Variants in ALPG observed in about 807,000 individuals in gnomAD.
The protein encoded by ALPG is alkaline phosphatase, germ cell.
Under a neutral mutation model 48.6 loss-of-function variants are expected in ALPG, and 32 were observed. That is an observed-to-expected ratio of 0.66 (90% confidence interval 0.50 to 0.88). The LOEUF is 0.88. Among genes scored for constraint, ALPG ranks in the 40% least tolerant of loss-of-function variants. ALPG has a pLI of 0.00. For synonymous variants in ALPG, 244 were observed against 308.9 expected (o/e 0.79, Z 2.20); for missense variants, 533 against 718.1 (o/e 0.74, Z 2.95).
In ALPG at chr2:232,407,696, G is replaced by C. The variant is rs201503000; in HGVS notation, c.403G>C (p.Ala135Pro). 4 of 1,613,716 alleles carry C rather than the reference G, an allele frequency of 2.5e-6. No homozygotes were observed. The highest frequency in any genetic ancestry group is 3.4e-6 in the Non-Finnish European group (4 of 1,179,976). ...CCAGACCATTGGCTTGAGTGCAGCCGCCCGCTTTAACCAGTGCAACACGAC... is the reference window on the plus strand; with the variant it reads ...CCAGACCATTGGCTTGAGTGCAGCCCCCCGCTTTAACCAGTGCAACACGAC... ...NFQTIGLSAAARFNQCNTTRG... is the reference protein window; with the variant it reads ...NFQTIGLSAAPRFNQCNTTRG... Residue 135 changes from alanine to proline, a missense_variant, in exon 4 of 11, where the codon GCC becomes CCC. By Grantham distance (27) the Ala-to-Pro change is conservative (BLOSUM62 -1). Around this residue, in one of 6 missense-constraint regions of ALPG, gnomAD observed 315 missense variants for 305.8 expected, o/e 1.03. Coordinates refer to ENST00000295453, the MANE Select transcript of ALPG (RefSeq NM_031313.3).
Position 232,406,898 on chromosome 2 carries a change from C to A in ALPG, c.4C>A (p.Gln2Lys). The A allele has an allele frequency of 6.2e-7, 1 of 1,611,762 alleles. No individual in the cohort carries two copies. Among genetic ancestry groups the A allele is most frequent in the Non-Finnish European group, 8.5e-7 (1 of 1,179,348 alleles). Reference protein sequence around the residue: MQGPWVLLLLGL... With the variant: MKGPWVLLLLGL... ...CGCTCTCCGACTGCTTCCAGACATG[C>A]AGGGGCCCTGGGTGCTGCTCCTGCT... Residue 2 changes from glutamine to lysine, a missense_variant, in exon 1 of 11, where the codon CAG becomes AAG. Gln to Lys is a moderately conservative substitution (Grantham distance 53). Around this residue, in one of 6 missense-constraint regions of ALPG, gnomAD observed 315 missense variants for 305.8 expected, o/e 1.03. Coordinates refer to ENST00000295453, the MANE Select transcript of ALPG (RefSeq NM_031313.3).
At chr2:232,408,157 G>A (rs1420928697) in intron 5 of ALPG, 110 bp from the exon 6 acceptor site, 40 of 1,576,838 alleles carry the variant, frequency 2.5e-5, no homozygotes, top group Non-Finnish European at 8.6e-7. Context: ...GCGCAGCCCA[G>A]GCTGGGCCAT....
Position 232,407,304 on chromosome 2 carries a change from T to G in ALPG, c.203T>G (p.Val68Gly). 1 of 1,613,774 alleles carries G rather than the reference T, an allele frequency of 6.2e-7. No individual in the cohort carries two copies. Among genetic ancestry groups the G allele is most frequent in the Non-Finnish European group, 8.5e-7 (1 of 1,179,958 alleles). Reference protein sequence around the residue: ...FLGDGMGVSTVTAARILKGQK... With the variant: ...FLGDGMGVSTGTAARILKGQK... ...CCTTCAGGGATGGGGGTGTCTACGG[T>G]GACAGCTGCCAGGATCCTAAAAGGG... is the stretch of plus-strand genomic sequence containing the variant. The change falls in exon 3 of 11, where the codon GTG becomes GGG. Residue 68 changes from valine to glycine, a missense_variant. By Grantham distance (109) the Val-to-Gly change is moderately radical. This residue lies in a region of ALPG where 315 missense variants were observed against 305.8 expected (regional missense o/e 1.03). Coordinates refer to ENST00000295453, the MANE Select transcript of ALPG (RefSeq NM_031313.3).
chr2:232,409,838 C>T lies in ALPG; in HGVS notation c.1565C>T (p.Thr522Ile), dbSNP rs770596019. The change falls in exon 11 of 11, where the codon ACC becomes ATC. Residue 522 changes from threonine to isoleucine, a missense_variant. This residue lies in a region of ALPG where 145 missense variants were observed against 174.3 expected (regional missense o/e 0.83). Transcript: ENST00000295453. ...VPALLPLLAG[T>I]LLLLGTATAP ...GCGTTGCTTCCTCTGCTGGCAGGGACCTTGCTGCTGCTGGGGACGGCCACT... is the reference window on the plus strand; with the variant it reads ...GCGTTGCTTCCTCTGCTGGCAGGGATCTTGCTGCTGCTGGGGACGGCCACT... The T allele has an allele frequency of 1.9e-6, 3 of 1,586,530 alleles. No homozygotes were observed. The highest frequency in any genetic ancestry group is 1.1e-5 in the South Asian group (1 of 87,974).
Position 232,408,574 on chromosome 2 carries a change from G to T in ALPG, c.856+1G>T. The T allele has an allele frequency of 1.3e-6, 2 of 1,555,792 alleles. No individual in the cohort carries two copies. Among genetic ancestry groups the T allele is most frequent in the Non-Finnish European group, 1.8e-6 (2 of 1,136,208 alleles). ...GACCCGTCTGTGACCCATCTCATGG[G>T]TAATGACCCCCTTCCTGCCCTGGCA... On this transcript the variant is annotated splice_donor_variant, in intron 7 of 10. Coordinates refer to ENST00000295453, the MANE Select transcript of ALPG (RefSeq NM_031313.3). LOFTEE classifies it high-confidence loss of function.
In ALPG at chr2:232,408,009, G is replaced by T. The variant is rs756844703; in HGVS notation, c.640G>T (p.Asp214Tyr). The T allele has an allele frequency of 1.2e-6, 2 of 1,610,930 alleles. No individual in the cohort carries two copies. Among genetic ancestry groups the T allele is most frequent in the African/African-American group, 1.3e-5 (1 of 74,888 alleles). Residue 214 changes from aspartate to tyrosine, a missense_variant, in exon 5 of 11, where the codon GAC (aspartate) becomes TAC (tyrosine). By Grantham distance (160) the Asp-to-Tyr change is radical (BLOSUM62 -3). Transcript: ENST00000295453. ...DIATQLISNM[D>Y]IDVILGGGRK... is the part of the protein sequence containing the mutation. Reference sequence around the variant, plus strand: ...CGCCACGCAGCTCATCTCCAACATGGACATTGATGTGCGACCCCCGGGCCA... The same window carrying T: ...CGCCACGCAGCTCATCTCCAACATGTACATTGATGTGCGACCCCCGGGCCA...
rs374249849 is a variant in ALPG, at chr2:232,407,933, C to A, written c.564C>A (p.Tyr188Ter). Residue 188 changes from tyrosine to a stop codon, truncating the protein, a stop_gained, in exon 5 of 11, where the codon TAC becomes TAA. Coordinates refer to ENST00000295453, the MANE Select transcript of ALPG (RefSeq NM_031313.3). LOFTEE classifies it high-confidence loss of function. The part of the protein sequence containing the change: ...AYAHTVNRNW[Y>*]SDADVPASAR... ...CCCACACGGTGAACCGCAACTGGTA[C>A]TCGGATGCCGACGTGCCTGCCTCGG... The A allele has an allele frequency of 8.1e-6, 13 of 1,613,346 alleles. No homozygotes were observed. The highest frequency in any genetic ancestry group is 6.7e-5 in the East Asian group (3 of 44,894).
rs1361546972 is a variant in ALPG at position 232,408,361 on chromosome 2, A to C, written c.743A>C (p.Asp248Ala). The change falls in exon 6 of 11, where the codon GAC (aspartate) becomes GCC (alanine). Residue 248 changes from aspartate to alanine, a missense_variant. Physicochemically the swap from Asp to Ala is moderately radical, Grantham distance 126 (BLOSUM62 -2). Coordinates refer to ENST00000295453, the MANE Select transcript of ALPG (RefSeq NM_031313.3). Reference sequence around the variant, plus strand: ...TACAGCCAAGGTGGGACCAGGCTGGACGGGAAGAATCTGGTGCAGGAATGG... The same window carrying C: ...TACAGCCAAGGTGGGACCAGGCTGGCCGGGAAGAATCTGGTGCAGGAATGG... ...DDYSQGGTRL[D>A]GKNLVQEWLA... 1 of 1,610,134 alleles carries C rather than the reference A, an allele frequency of 6.2e-7. No homozygotes were observed.
At chr2:232,408,175 G>A (rs1697125079) in intron 5 of ALPG, 92 bp from the exon 6 acceptor site, 10 of 1,588,062 alleles carry the variant, frequency 6.3e-6, no homozygotes, top group Non-Finnish European at 8.6e-6. Flanking sequence ...CATTCCCACA[G>A]CCTTGGGGAG....
chr2:232,407,807 A>G (rs747502584), intron 4 of ALPG, 38 bp from the exon 5 acceptor site: 1 of 1,613,722 alleles, frequency 6.2e-7, no homozygotes, highest in Non-Finnish European at 8.5e-7. Context: ...GCCAGGTGAC[A>G]GACCTCTATC....
chr2:232,409,580 C>T lies in ALPG; in HGVS notation c.1307C>T (p.Pro436Leu). 6.2e-7 allele frequency: 1 copy of T among 1,612,782 alleles called. No homozygotes were observed. Among genetic ancestry groups the T allele is most frequent in the Non-Finnish European group, 8.5e-7 (1 of 1,179,584 alleles). ...PDVTESESGSPEYRQQSAVPL... is the reference protein window; with the variant it reads ...PDVTESESGSLEYRQQSAVPL... ...AACTGAACCCTCCAACCAGGGAGCC[C>T]CGAGTATCGGCAGCAGTCAGCAGTG... Residue 436 changes from proline (P) to leucine (L), a missense_variant, in exon 11 of 11, where the codon CCC (proline) becomes CTC (leucine). This residue lies in a region of ALPG where 145 missense variants were observed against 174.3 expected (regional missense o/e 0.83). Transcript: ENST00000295453.
In ALPG at chr2:232,407,786, G is replaced by C. The variant is rs1470320423; in HGVS notation, c.475+18G>C. 6.2e-7 allele frequency: 1 copy of C among 1,613,802 alleles called. No individual in the cohort carries two copies. Among genetic ancestry groups the C allele is most frequent in the Non-Finnish European group, 8.5e-7 (1 of 1,180,026 alleles). On this transcript the variant is annotated intron_variant, in intron 4 of 10. Transcript: ENST00000295453. ...GAAAGCAGGTGAGCTGGGGCCCGCT[G>C]TGGGGTCAGGGCCAGGTGACAGACC...
intron 2 of ALPG, 47 bp downstream of exon 2, chr2:232,407,220 G>A (rs772314262): frequency 2.9e-5 from 46 of 1,613,866 alleles, no homozygotes; most frequent in Non-Finnish European, 3.5e-5. Flanking sequence ...CAGCCCCGGC[G>A]CCCGGACCCT....
At position 232,407,222 on chromosome 2, in the gene ALPG, C is replaced by A; in HGVS notation, c.184+49C>A. The stretch of plus-strand genomic sequence containing the variant: ...CCCGCAGCCCTCACAGCCCCGGCGC[C>A]CGGACCCTCAGTGGTTCCAGGACAG... On this transcript the variant is annotated intron_variant, in intron 2 of 10. Coordinates refer to ENST00000295453, the MANE Select transcript of ALPG (RefSeq NM_031313.3). 1.9e-6 allele frequency: 3 copies of A among 1,613,946 alleles called. No homozygotes were observed. The South Asian group carries it at 3.3e-5, about 18-fold the overall frequency.
In ALPG at chr2:232,407,283, C is replaced by T. The variant is rs1413149741; in HGVS notation, c.185-3C>T. ...CAAGCCTCACACACTTCTGCTCCTT[C>T]AGGGATGGGGGTGTCTACGGTGACA... On this transcript the variant is annotated splice_polypyrimidine_tract_variant and splice_region_variant and intron_variant, in intron 2 of 10. Transcript: ENST00000295453. 6.2e-7 allele frequency: 1 copy of T among 1,614,000 alleles called. No homozygotes were observed. The highest frequency in any genetic ancestry group is 8.5e-7 in the Non-Finnish European group (1 of 1,179,998).
At chr2:232,409,222 G>GGTCTC (rs1430517557) in intron 9 of ALPG, 110 bp downstream of exon 9, 1 of 1,597,040 alleles carries the variant, frequency 6.3e-7, no homozygotes, top group Non-Finnish European at 8.5e-7. Flanking sequence ...AGCCCTGTAG[G>GGTCTC]GTCTCCTGCG....
Position 232,409,576 on chromosome 2 carries a change from A to G in ALPG, c.1303A>G (p.Ser435Gly). Residue 435 changes from serine to glycine, a missense_variant and splice_region_variant, in exon 11 of 11, where the codon AGC becomes GGC. Ser to Gly is a moderately conservative substitution (Grantham distance 56, BLOSUM62 0). This residue lies in a region of ALPG where 145 missense variants were observed against 174.3 expected (regional missense o/e 0.83). Coordinates refer to ENST00000295453, the MANE Select transcript of ALPG (RefSeq NM_031313.3). The stretch of plus-strand genomic sequence containing the variant: ...CTGAAACTGAACCCTCCAACCAGGG[A>G]GCCCCGAGTATCGGCAGCAGTCAGC... ...RPDVTESESG[S>G]PEYRQQSAVP... is the part of the protein sequence containing the mutation. 6.2e-7 allele frequency: 1 copy of G among 1,612,744 alleles called. No homozygotes were observed.
rs369845129 is a variant in ALPG, at chr2:232,408,572, G to A, written c.855G>A (p.Met285Ile). 1.9e-6 allele frequency: 3 copies of A among 1,556,664 alleles called. No individual in the cohort carries two copies. The highest frequency in any genetic ancestry group is 2.8e-5 in the African/African-American group (2 of 70,548). ...ASLDPSVTHL[M>I]GLFEPGDMKY... ...TGGACCCGTCTGTGACCCATCTCAT[G>A]GGTAATGACCCCCTTCCTGCCCTGG... Residue 285 changes from methionine to isoleucine, a missense_variant and splice_region_variant, in exon 7 of 11, where the codon ATG becomes ATA. By Grantham distance (10) the Met-to-Ile change is conservative. Around this residue, in one of 6 missense-constraint regions of ALPG, gnomAD observed 17 missense variants for 56.2 expected, o/e 0.30. Coordinates refer to ENST00000295453, the MANE Select transcript of ALPG (RefSeq NM_031313.3).
chr2:232,406,916 C>T lies in ALPG; in HGVS notation c.22C>T (p.Leu8Phe), dbSNP rs556454293. The T allele has an allele frequency of 2.1e-5, 34 of 1,612,798 alleles. No homozygotes were observed. In the East Asian group the frequency reaches 6.2e-4, roughly 30 times the overall value. MQGPWVLLLLGLRLQLSL... is the reference protein window; with the variant it reads MQGPWVLFLLGLRLQLSL... The stretch of plus-strand genomic sequence containing the variant: ...AGACATGCAGGGGCCCTGGGTGCTG[C>T]TCCTGCTGGGCCTGAGGCTACAGCT... The change falls in exon 1 of 11, where the codon CTC becomes TTC. Residue 8 changes from leucine (L) to phenylalanine (F), a missense_variant. Around this residue, in one of 6 missense-constraint regions of ALPG, gnomAD observed 315 missense variants for 305.8 expected, o/e 1.03. Coordinates refer to ENST00000295453, the MANE Select transcript of ALPG (RefSeq NM_031313.3).
Sources: gnomAD v4.1 joint callset for allele counts on GRCh38, gnomAD v4.1.1 for gene constraint, gnomAD v4.1.1 regional missense constraint, MANE v1.5 for transcripts, NCBI Gene and HGNC (gene_info 2026-07-23, HGNC 2026-07-21) for gene names.